Variants in BMP5 observed in about 807,000 individuals in gnomAD.
The protein encoded by BMP5 is bone morphogenetic protein 5.
BMP5 carries 23 observed loss-of-function variants against 46.6 expected under a neutral mutation model. That is an observed-to-expected ratio of 0.49 (90% CI 0.35 to 0.70). BMP5 has a LOEUF of 0.70. Among genes scored for constraint, BMP5 ranks in the 30% least tolerant of loss-of-function variants. The pLI is 0.00. For missense variants in BMP5, 545 were observed against 565.6 expected (o/e 0.96, Z 0.37); for synonymous variants, 204 against 191.9 (o/e 1.06, Z -0.52).
intron 1 of BMP5, among the ~76,000 whole-genome samples, chr6:55,833,574 G>A (rs982982808): frequency 6.6e-6 from 1 of 152,138 alleles, no homozygotes; most frequent in Non-Finnish European, 1.5e-5. Context: ...GAGCTGACAA[G>A]GGTAATGGAA....
At chr6:55,846,587 C>T (rs1257237655) in intron 1 of BMP5, among the ~76,000 whole-genome samples, 2 of 151,924 alleles carry the variant, frequency 1.3e-5, no homozygotes, top group African/African-American at 4.8e-5. Flanking sequence ...TATTCACACA[C>T]AAATTAGTAT....
In BMP5 at chr6:55,759,124, T is replaced by TACACATAC. The variant is rs1774689857; in HGVS notation, c.1105-10_1105-9insGTATGTGT. 1 of 437,142 alleles carries TACACATAC rather than the reference T, an allele frequency of 2.3e-6. No individual in the cohort carries two copies. Among genetic ancestry groups the TACACATAC allele is most frequent in the Non-Finnish European group, 4.3e-6 (1 of 232,416 alleles). 27.1% of individuals were successfully genotyped at this position (437,142 alleles called of 1,614,324 possible). ...GGTGCTATAATCCAGTCCTGACACA[T>TACACATAC]ACACACACACACACACACACAAAAA... On this transcript the variant is annotated splice_polypyrimidine_tract_variant and intron_variant, in intron 5 of 6. Transcript: ENST00000370830.
intron 2 of BMP5, among the ~76,000 whole-genome samples, chr6:55,819,251 C>A (rs1426100822): frequency 6.6e-6 from 1 of 152,128 alleles, no homozygotes; most frequent in Admixed American, 6.6e-5. Context: ...ACAATTTTTA[C>A]ACTCATGTCA....
intron 1 of BMP5, among the ~76,000 whole-genome samples, chr6:55,861,879 A>T (rs1777533699): frequency 6.6e-6 from 1 of 152,252 alleles, no homozygotes. Context: ...ACAGCATATC[A>T]GTGAATAGCT....
chr6:55,805,408 T>G (rs1217819124), intron 2 of BMP5, among the ~76,000 whole-genome samples: 2 of 152,154 alleles, frequency 1.3e-5, no homozygotes, highest in Admixed American at 6.5e-5. Context: ...CTTGACCAGA[T>G]TCATCCATGT....
chr6:55,819,978 C>G, intron 1 of BMP5, 131 bp from the exon 2 acceptor site: 1 of 792,264 alleles, frequency 1.3e-6, no homozygotes, highest in Non-Finnish European at 2.0e-6. Context: ...AACCCTAAAA[C>G]CACAAACTGA....
At chr6:55,801,695 T>C (rs1354904525) in intron 2 of BMP5, among the ~76,000 whole-genome samples, 1 of 152,214 alleles carries the variant, frequency 6.6e-6, no homozygotes, top group Non-Finnish European at 1.5e-5. Context: ...CTAATTATAC[T>C]GGAACACTTA....
At chr6:55,792,255 C>T (rs1253682021) in intron 3 of BMP5, among the ~76,000 whole-genome samples, 1 of 152,140 alleles carries the variant, frequency 6.6e-6, no homozygotes, top group African/African-American at 2.4e-5. Context: ...GAGACCCTGC[C>T]GGGCGCGGTG....
intron 1 of BMP5, among the ~76,000 whole-genome samples, chr6:55,824,787 T>C (rs1357234762): frequency 1.3e-5 from 2 of 151,926 alleles, no homozygotes; most frequent in African/African-American, 2.4e-5. Context: ...CTGTTCAAAT[T>C]CTTACATGTG....
chr6:55,785,272 T>C (rs941126405), intron 3 of BMP5, among the ~76,000 whole-genome samples: 2 of 151,814 alleles, frequency 1.3e-5, no homozygotes, highest in Non-Finnish European at 3.0e-5. Context: ...AATAAGTTGA[T>C]AAGAAGAATG....
intron 2 of BMP5, among the ~76,000 whole-genome samples, chr6:55,796,489 G>T (rs1775714969): frequency 6.6e-6 from 1 of 151,338 alleles, no homozygotes; most frequent in African/African-American, 2.4e-5. Flanking sequence ...TATGGAATTT[G>T]TATTTTTTTT....
chr6:55,783,138 G>A (rs1775365950), intron 3 of BMP5, among the ~76,000 whole-genome samples: 1 of 152,086 alleles, frequency 6.6e-6, no homozygotes, highest in African/African-American at 2.4e-5. Flanking sequence ...TAAGTAGGAA[G>A]ATGAAGACTC....
chr6:55,821,193 G>A (rs960220472), intron 1 of BMP5, among the ~76,000 whole-genome samples: 7 of 152,168 alleles, frequency 4.6e-5, no homozygotes, highest in Middle Eastern at 3.4e-3. Context: ...AGGCCAGATG[G>A]GTGGCCACAT....
chr6:55,764,474 G>A (rs1400992480), intron 4 of BMP5, among the ~76,000 whole-genome samples: 1 of 151,776 alleles, frequency 6.6e-6, no homozygotes, highest in African/African-American at 2.4e-5. Flanking sequence ...TCAGGAGGCT[G>A]AGGCAGGAGA....
At chr6:55,808,767 T>C (rs1776053292) in intron 2 of BMP5, among the ~76,000 whole-genome samples, 1 of 152,176 alleles carries the variant, frequency 6.6e-6, no homozygotes, top group Non-Finnish European at 1.5e-5. Flanking sequence ...CCACTGCTCT[T>C]CCTTCCTCTC....
intron 1 of BMP5, among the ~76,000 whole-genome samples, chr6:55,837,038 A>C (rs1254098930): frequency 6.6e-6 from 1 of 151,748 alleles, no homozygotes; most frequent in African/African-American, 2.4e-5. Flanking sequence ...TAACTAGAAA[A>C]AGTTTTAAAG....
At chr6:55,832,007 A>C (rs1776675688) in intron 1 of BMP5, among the ~76,000 whole-genome samples, 1 of 152,156 alleles carries the variant, frequency 6.6e-6, no homozygotes, top group African/African-American at 2.4e-5. Flanking sequence ...GCTGTGCTCC[A>C]AGTATAGGAG....
rs548325741 is a variant in BMP5 at position 55,789,734 on chromosome 6, T to A, written c.832+4545A>T. Among the ~76,000 whole-genome samples, 17 of 152,234 alleles carry A rather than the reference T, an allele frequency of 1.1e-4. No homozygotes were observed. The South Asian group carries it at 3.5e-3, about 32-fold the overall frequency. ...CTTGAGAACTTTAAAACCAATTTTG[T>A]AAAATTGGATATAACATCTTGTCTG... On this transcript the variant is annotated intron_variant, in intron 3 of 6. Transcript: ENST00000370830.
At chr6:55,848,971 A>T (rs1166347428) in intron 1 of BMP5, among the ~76,000 whole-genome samples, 2 of 152,030 alleles carry the variant, frequency 1.3e-5, no homozygotes, top group African/African-American at 4.8e-5. Context: ...AACCACTGTG[A>T]CTGTTATTAA....
Sources: allele counts gnomAD v4.1 joint callset (sites outside exome capture counted in the v4.1 genomes callset), GRCh38; gene constraint gnomAD v4.1.1; transcripts MANE v1.5; gene names NCBI Gene and HGNC (gene_info 2026-07-23, HGNC 2026-07-21).